The following GALK2 variants were observed in gnomAD, a reference collection of about 807,000 sequenced individuals.
GALK2 encodes the protein N-acetylgalactosamine kinase.
GALK2 carries 36 observed loss-of-function variants against 52.4 expected under a neutral mutation model. The ratio of observed to expected loss-of-function variants is 0.69; its 90% CI spans 0.53 to 0.91. The LOEUF (loss-of-function observed/expected upper bound fraction) is 0.91, where lower values mean the gene tolerates loss of function less well. Ranked by LOEUF, GALK2 falls within the 40% of genes least tolerant of loss-of-function variation. The probability of loss-of-function intolerance (pLI) is 0.00; values close to 1 mark genes in which losing one functional copy is unlikely to be tolerated. For synonymous variants in GALK2, 176 were observed against 199.1 expected, an observed-to-expected ratio of 0.88 and a Z score of 0.98; for missense variants, 579 against 559.1, an observed-to-expected ratio of 1.04 and a Z score of -0.36.
intron 5 of GALK2, among the ~76,000 whole-genome samples, chr15:49,268,149 G>C (rs888421236): frequency 2.6e-5 from 4 of 152,160 alleles, no homozygotes; most frequent in Non-Finnish European, 5.9e-5. Context: ...AGAGATACAA[G>C]GTGAACAGAA....
intron 5 of GALK2, among the ~76,000 whole-genome samples, chr15:49,269,939 C>T (rs1284213624): frequency 6.6e-6 from 1 of 152,230 alleles, no homozygotes; most frequent in African/African-American, 2.4e-5. Flanking sequence ...TGTGCGTCCT[C>T]TTATTCTTTC....
At chr15:49,158,671 G>GAA (rs1192145812) in intron 1 of GALK2, among the ~76,000 whole-genome samples, 1 of 151,850 alleles carries the variant, frequency 6.6e-6, no homozygotes, top group Admixed American at 6.6e-5. Context: ...TCAAAATAAA[G>GAA]AAAAAAATGA....
At chr15:49,356,230 A>G (rs886447741) in intron 3 of GALK2, among the ~76,000 whole-genome samples, 4 of 152,192 alleles carry the variant, frequency 2.6e-5, no homozygotes, top group African/African-American at 9.7e-5. Context: ...GATCAAATTC[A>G]CACATAACAA....
At chr15:49,222,034 G>GA (rs1237217401) in intron 3 of GALK2, among the ~76,000 whole-genome samples, 1 of 152,132 alleles carries the variant, frequency 6.6e-6, no homozygotes, top group Non-Finnish European at 1.5e-5. Flanking sequence ...TCCAATCCAT[G>GA]AACATGGGAT....
chr15:49,175,055 G>C (rs1324443808), intron 1 of GALK2, among the ~76,000 whole-genome samples: 1 of 152,146 alleles, frequency 6.6e-6, no homozygotes, highest in Non-Finnish European at 1.5e-5. Flanking sequence ...TAGGTTTTGG[G>C]GAAAAGCTAT....
chr15:49,327,385 C>CTA (rs2037692485), intron 9 of GALK2: 1 of 152,200 alleles, frequency 6.6e-6, no homozygotes, highest in Non-Finnish European at 1.5e-5. Context: ...AGTTTAATAA[C>CTA]ACGCTTTTTG....
At chr15:49,256,537 G>A (rs2091822951) in intron 5 of GALK2, among the ~76,000 whole-genome samples, 1 of 152,170 alleles carries the variant, frequency 6.6e-6, no homozygotes, top group Non-Finnish European at 1.5e-5. Context: ...AAACAGTACA[G>A]TCCTTTCCTC....
intron 7 of GALK2, among the ~76,000 whole-genome samples, chr15:49,284,235 A>G (rs2033086799): frequency 6.6e-6 from 1 of 152,206 alleles, no homozygotes; most frequent in Admixed American, 6.5e-5. Context: ...GAAAACTGCC[A>G]CAGTTAAACC....
intron 1 of GALK2, among the ~76,000 whole-genome samples, chr15:49,172,320 T>G (rs1180024817): frequency 6.6e-6 from 1 of 152,234 alleles, no homozygotes; most frequent in East Asian, 1.9e-4. Context: ...TTAATATTTA[T>G]TCTGTGTTAT....
intron 5 of GALK2, among the ~76,000 whole-genome samples, chr15:49,272,271 T>G (rs1241312878): frequency 6.6e-6 from 1 of 152,244 alleles, no homozygotes; most frequent in Non-Finnish European, 1.5e-5. Flanking sequence ...TTAAATAAGA[T>G]GTACAAAATA....
chr15:49,359,870 A>G (rs1052805448), intron 3 of GALK2, among the ~76,000 whole-genome samples: 7 of 145,534 alleles, frequency 4.8e-5, no homozygotes, highest in African/African-American at 1.5e-4. Flanking sequence ...CTGGATTAAG[A>G]AAATGTGGCA....
At chr15:49,261,856 A>G (rs1370548299) in intron 5 of GALK2, among the ~76,000 whole-genome samples, 2 of 152,010 alleles carry the variant, frequency 1.3e-5, no homozygotes, top group Non-Finnish European at 2.9e-5. Flanking sequence ...TTCTGTTTAT[A>G]TGCTGGATTA....
At chr15:49,344,465 GTTTC>G (rs1351875188) in intron 3 of GALK2, among the ~76,000 whole-genome samples, 1 of 152,084 alleles carries the variant, frequency 6.6e-6, no homozygotes, top group African/African-American at 2.4e-5. Flanking sequence ...ACTTTATTGT[GTTTC>G]TTTATGTGAA....
intron 3 of GALK2, among the ~76,000 whole-genome samples, chr15:49,349,933 G>C (rs1655033945): frequency 6.6e-6 from 1 of 152,108 alleles, no homozygotes; most frequent in Admixed American, 6.5e-5. Flanking sequence ...AACAAAATGA[G>C]AGGGAGAATT....
At chr15:49,261,068 A>G (rs1595873613) in intron 5 of GALK2, among the ~76,000 whole-genome samples, 1 of 151,830 alleles carries the variant, frequency 6.6e-6, no homozygotes, top group African/African-American at 2.4e-5. Context: ...TTGGTTCCAT[A>G]TGAACTTTAA....
At chr15:49,323,577 T>C (rs2037078795) in intron 9 of GALK2, among the ~76,000 whole-genome samples, 1 of 152,170 alleles carries the variant, frequency 6.6e-6, no homozygotes, top group Non-Finnish European at 1.5e-5. Flanking sequence ...GTGAGTAAAT[T>C]AACGGCTTGA....
chr15:49,159,266 T>C (rs987953393), intron 1 of GALK2, among the ~76,000 whole-genome samples: 9 of 152,226 alleles, frequency 5.9e-5, no homozygotes, highest in African/African-American at 1.9e-4. Flanking sequence ...TGAATATCTT[T>C]GAAATTTTAT....
chr15:49,156,063 G>A (rs1339359373), intron 1 of GALK2: 2 of 1,589,900 alleles, frequency 1.3e-6, no homozygotes, highest in Non-Finnish European at 1.7e-6. Flanking sequence ...CCCACACATT[G>A]CGGTGGGTGT....
rs561995948 is a variant in GALK2 at position 49,156,253 on chromosome 15, C to T, written c.20+237C>T. The T allele has an allele frequency of 1.9e-5, 10 of 539,054 alleles. No individual in the cohort carries two copies. In the South Asian group the frequency reaches 1.9e-4, roughly 10 times the overall value. The allele number at this position is 539,054 out of a possible 1,614,324, so 33.4% of individuals were successfully genotyped here. ...AAACTGACCTTTACAGCCCTTGGGA[C>T]CAAATTAAGGTAACAACGACTGGTT... is the stretch of plus-strand genomic sequence containing the variant. On this transcript the variant is annotated intron_variant, in intron 1 of 9. Transcript: ENST00000327171.
Sources: gnomAD v4.1 joint callset for allele counts (sites outside exome capture counted in the v4.1 genomes callset) on GRCh38, gnomAD v4.1.1 for gene constraint, MANE v1.5 for transcripts, NCBI Gene and HGNC (gene_info 2026-07-23, HGNC 2026-07-21) for gene names.